Variants in GRID2 observed in about 807,000 individuals in gnomAD.
GRID2 encodes glutamate receptor ionotropic, delta-2.
GRID2 carries 33 observed loss-of-function variants against 114.8 expected under a neutral mutation model. That is an observed-to-expected ratio of 0.29 (90% confidence interval 0.22 to 0.38). The LOEUF (loss-of-function observed/expected upper bound fraction) is 0.38. Ranked by LOEUF, GRID2 falls within the 10% of genes least tolerant of loss-of-function variation. GRID2 has a pLI of 1.00. For missense variants in GRID2, 1,184 were observed against 1,257.7 expected (o/e 0.94, Z 0.89); for synonymous variants, 505 against 449.9 (o/e 1.12, Z -1.55).
chr4:93,345,091 A>G (rs957431214), intron 8 of GRID2, among the ~76,000 whole-genome samples: 2 of 151,306 alleles, frequency 1.3e-5, no homozygotes, highest in African/African-American at 4.9e-5. Context: ...TATCTTGGCT[A>G]TTGTAAATAA....
intron 13 of GRID2, among the ~76,000 whole-genome samples, chr4:93,588,774 C>T (rs943739296): frequency 6.6e-6 from 1 of 152,192 alleles, no homozygotes; most frequent in African/African-American, 2.4e-5. Context: ...TTTAAAAATA[C>T]TTGCATTCCC....
At chr4:92,572,630 T>C (rs1727685714) in intron 1 of GRID2, among the ~76,000 whole-genome samples, 2 of 152,108 alleles carry the variant, frequency 1.3e-5, no homozygotes, top group African/African-American at 4.8e-5. Flanking sequence ...TGAATCAGCC[T>C]TGCATCCTGG....
chr4:93,772,120 T>C lies in GRID2; in HGVS notation c.2646T>C (p.Asn882=), dbSNP rs769261458. ...TGGAGCACCTCCATAGACGTGTAAA[T>C]AGCTTGTGCACAGATGACGACAGCC... ...IDLEHLHRRV[N]SLCTDDDSPH... Residue 882 remains asparagine, a synonymous_variant, in exon 16 of 16, where the codon AAT becomes AAC. Transcript: ENST00000282020. 3 of 1,612,616 alleles carry C rather than the reference T, an allele frequency of 1.9e-6. No individual in the cohort carries two copies. In the South Asian group the frequency reaches 3.3e-5, roughly 18 times the overall value.
At chr4:93,205,199 T>C (rs554528224) in intron 4 of GRID2, among the ~76,000 whole-genome samples, 1 of 152,208 alleles carries the variant, frequency 6.6e-6, no homozygotes, top group Non-Finnish European at 1.5e-5. Flanking sequence ...GGATTACCAT[T>C]ACTGGTATAA....
At chr4:92,469,398 T>C (rs1240883586) in intron 1 of GRID2, among the ~76,000 whole-genome samples, 1 of 152,088 alleles carries the variant, frequency 6.6e-6, no homozygotes, top group Non-Finnish European at 1.5e-5. Flanking sequence ...AAGCTCCTTA[T>C]GTAGAATGGT....
At chr4:92,400,479 A>G (rs1730733600) in intron 1 of GRID2, among the ~76,000 whole-genome samples, 1 of 152,150 alleles carries the variant, frequency 6.6e-6, no homozygotes, top group Non-Finnish European at 1.5e-5. Context: ...TTATATGGCC[A>G]TACCACTATT....
intron 14 of GRID2, among the ~76,000 whole-genome samples, chr4:93,631,863 C>T (rs927057351): frequency 6.6e-5 from 10 of 152,206 alleles, no homozygotes; most frequent in African/African-American, 2.4e-4. Context: ...TTCTCCACAT[C>T]CTCTCCAGTA....
At chr4:92,603,685 C>T (rs983319198) in intron 2 of GRID2, among the ~76,000 whole-genome samples, 1 of 151,898 alleles carries the variant, frequency 6.6e-6, no homozygotes, top group Non-Finnish European at 1.5e-5. Context: ...CAGAATTTGA[C>T]AAATAAATAT....
intron 2 of GRID2, among the ~76,000 whole-genome samples, chr4:92,913,917 C>G (rs1283305203): frequency 6.6e-6 from 1 of 151,992 alleles, no homozygotes; most frequent in Non-Finnish European, 1.5e-5. Flanking sequence ...GTACGTTCTA[C>G]TTGTAAGTAC....
chr4:92,925,476 GA>G (rs1240098109), intron 2 of GRID2, among the ~76,000 whole-genome samples: 2 of 152,044 alleles, frequency 1.3e-5, no homozygotes, highest in Non-Finnish European at 2.9e-5. Context: ...ATTTTAAGAA[GA>G]GTATATTTCC....
chr4:93,212,478 G>A (rs1743652289), intron 5 of GRID2, among the ~76,000 whole-genome samples: 1 of 152,148 alleles, frequency 6.6e-6, no homozygotes, highest in Non-Finnish European at 1.5e-5. Flanking sequence ...GCTCAGAGCA[G>A]CCTTTCCGTG....
At chr4:93,673,584 T>A (rs1361747118) in intron 14 of GRID2, among the ~76,000 whole-genome samples, 1 of 152,196 alleles carries the variant, frequency 6.6e-6, no homozygotes, top group African/African-American at 2.4e-5. Context: ...CTTTTATTCA[T>A]CATTTATTGA....
At chr4:92,707,260 G>C (rs1323351353) in intron 2 of GRID2, among the ~76,000 whole-genome samples, 1 of 152,110 alleles carries the variant, frequency 6.6e-6, no homozygotes, top group Non-Finnish European at 1.5e-5. Context: ...ATAGAGCCAA[G>C]CACAAATGCT....
intron 2 of GRID2, among the ~76,000 whole-genome samples, chr4:92,906,684 T>C (rs186653240): frequency 1.3e-5 from 2 of 152,220 alleles, no homozygotes; most frequent in Admixed American, 1.3e-4. Flanking sequence ...AGTGGTGTGA[T>C]CTTGGCTCAC....
At chr4:92,495,704 A>T (rs1468552632) in intron 1 of GRID2, among the ~76,000 whole-genome samples, 1 of 151,946 alleles carries the variant, frequency 6.6e-6, no homozygotes, top group African/African-American at 2.4e-5. Context: ...ATAATGTAAT[A>T]TAAATAAAAC....
chr4:92,348,158 G>T (rs1727874709), intron 1 of GRID2, among the ~76,000 whole-genome samples: 1 of 152,000 alleles, frequency 6.6e-6, no homozygotes, highest in South Asian at 2.1e-4. Flanking sequence ...TGGAGATGAG[G>T]TCTCACTATG....
intron 13 of GRID2, among the ~76,000 whole-genome samples, chr4:93,621,494 A>G (rs965085932): frequency 1.5e-4 from 23 of 152,216 alleles, no homozygotes; most frequent in African/African-American, 5.5e-4. Context: ...TAGTAAATAA[A>G]TCAATGGCAT....
intron 11 of GRID2, among the ~76,000 whole-genome samples, chr4:93,463,846 A>G (rs1014524585): frequency 2.2e-4 from 34 of 152,020 alleles, no homozygotes; most frequent in East Asian, 3.9e-4. Flanking sequence ...AAAATTAGCC[A>G]GGCGTGGTGG....
At chr4:92,463,124 G>A (rs960110746) in intron 1 of GRID2, among the ~76,000 whole-genome samples, 10 of 151,810 alleles carry the variant, frequency 6.6e-5, no homozygotes, top group Non-Finnish European at 1.3e-4. Flanking sequence ...TTAAATTGAA[G>A]GTTAAAAGTC....
Sources: gnomAD v4.1 joint callset for allele counts (sites outside exome capture counted in the v4.1 genomes callset) on GRCh38, gnomAD v4.1.1 for gene constraint, MANE v1.5 for transcripts, NCBI Gene and HGNC (gene_info 2026-07-23, HGNC 2026-07-21) for gene names.